TMEM223: variants seen among roughly 807,000 people sequenced by gnomAD.
TMEM223 encodes the protein transmembrane protein 223.
TMEM223 carries 14 observed loss-of-function variants against 14.1 expected under a neutral mutation model. The ratio of observed to expected loss-of-function variants is 0.99; its 90% CI spans 0.66 to 1.55. The LOEUF is 1.55. Ranked by LOEUF, TMEM223 falls within the 40% of genes most tolerant of loss-of-function variation. TMEM223 has a pLI of 0.00. For missense variants in TMEM223, 346 were observed against 269.9 expected, an observed-to-expected ratio of 1.28 and a Z score of -1.97; for synonymous variants, 145 against 120.5, an observed-to-expected ratio of 1.20 and a Z score of -1.33.
At chr11:62,778,431 G>GGGTAAACACA in intron 1 of TMEM223, 1 of 1,436,772 alleles carries the variant, frequency 7.0e-7, no homozygotes, top group Non-Finnish European at 9.7e-7. Context: ...CGTCTAACAT[G>GGGTAAACACA]TGTTTACCCA....
At chr11:62,775,240 A>AT (rs1156921871) in intron 1 of TMEM223, among the ~76,000 whole-genome samples, 4 of 152,186 alleles carry the variant, frequency 2.6e-5, no homozygotes, top group African/African-American at 9.6e-5. Flanking sequence ...AAAGCTCTTT[A>AT]TAAAACCATT....
At chr11:62,787,417 G>T, downstream of TMEM223, 1 of 1,557,220 alleles carries the variant, frequency 6.4e-7, no homozygotes, top group Non-Finnish European at 8.6e-7. Context: ...GGCGCTTCCT[G>T]GTGGTCAGGG....
chr11:62,788,090 T>C (rs905875295), downstream of TMEM223, among the ~76,000 whole-genome samples: 1 of 152,022 alleles, frequency 6.6e-6, no homozygotes, highest in African/African-American at 2.4e-5. Context: ...CTAGTGTGCC[T>C]ATTTTACACC....
intron 1 of TMEM223, chr11:62,775,996 C>T: frequency 6.5e-7 from 1 of 1,528,434 alleles, no homozygotes. Context: ...TAACCTCCAC[C>T]CTCGCTGATT....
At position 62,779,815 on chromosome 11, in the gene TMEM223, A is replaced by G. The variant is rs1590935015; in HGVS notation, c.315-5150T>C. Among the ~76,000 whole-genome samples the G allele has an allele frequency of 3.4e-5, 5 of 147,816 alleles. No individual in the cohort carries two copies. In the East Asian group the frequency reaches 1.0e-3, roughly 31 times the overall value. Reference sequence around the variant, plus strand: ...CAAGTAGCTGGGATTACAGGGGCATACCACCATGCCTGGCTAATTTTTGCA... The same window carrying G: ...CAAGTAGCTGGGATTACAGGGGCATGCCACCATGCCTGGCTAATTTTTGCA... On this transcript the variant is annotated intron_variant, in intron 1 of 2. Transcript: ENST00000528367.
At chr11:62,790,968 C>A (rs2084354692) in intron 1 of TMEM223, 53 bp from the exon 2 acceptor site, 4 of 1,463,348 alleles carry the variant, frequency 2.7e-6, no homozygotes, top group Non-Finnish European at 3.6e-6. Context: ...CATCTAAGTA[C>A]CGACCTTTCC....
In TMEM223 at chr11:62,790,887, G is replaced by A; in HGVS notation, c.345C>T (p.Leu115=). ...CTGAGCGCACAGACCGGAGAGAGAA[G>A]AGAAGACCAGCACCGAGTACGAGGG... ...IGALVLGAGL[L]FSLRSVRSVV... Residue 115 remains leucine (L), a synonymous_variant, in exon 2 of 2, where the codon CTC becomes CTT. Coordinates refer to ENST00000307366, the MANE Select transcript of TMEM223 (RefSeq NM_001080501.3). The A allele has an allele frequency of 6.3e-7, 1 of 1,597,980 alleles. No individual in the cohort carries two copies. Among genetic ancestry groups the A allele is most frequent in the Non-Finnish European group, 8.5e-7 (1 of 1,170,156 alleles).
downstream of TMEM223, chr11:62,787,101 G>A (rs539459986): frequency 1.0e-5 from 16 of 1,545,022 alleles, no homozygotes; most frequent in South Asian, 1.4e-4. Flanking sequence ...GCGGCGCCCC[G>A]CACTTTCGTT....
At chr11:62,777,756 G>GGAGGAGCGACCA (rs1429484752) in intron 1 of TMEM223, among the ~76,000 whole-genome samples, 5 of 152,168 alleles carry the variant, frequency 3.3e-5, no homozygotes, top group Non-Finnish European at 7.3e-5. Context: ...TCCAGTTATG[G>GGAGGAGCGACCA]GAGGAGCGAC....
chr11:62,790,204 A>T lies in TMEM223; in HGVS notation c.*419T>A. 1 of 819,822 alleles carries T rather than the reference A, an allele frequency of 1.2e-6. No homozygotes were observed. Among genetic ancestry groups the T allele is most frequent in the Non-Finnish European group, 1.8e-6 (1 of 547,782 alleles). 50.8% of individuals were successfully genotyped at this position (819,822 alleles called of 1,614,324 possible). On this transcript the variant is annotated 3_prime_UTR_variant, in exon 2 of 2. Coordinates refer to ENST00000307366, the MANE Select transcript of TMEM223 (RefSeq NM_001080501.3). ...CAGGCCCCCCTCCACCTCTTCCTGC[A>T]GCTGTTTTTGTACCAAAATATTATA... is the stretch of plus-strand genomic sequence containing the variant.
downstream of TMEM223, among the ~76,000 whole-genome samples, chr11:62,784,635 T>C (rs1325340587): frequency 1.3e-5 from 2 of 152,192 alleles, no homozygotes; most frequent in Non-Finnish European, 2.9e-5. Flanking sequence ...TCAATTTATA[T>C]TGGATTTTTA....
At chr11:62,779,396 C>A (rs1191855105) in intron 1 of TMEM223, among the ~76,000 whole-genome samples, 1 of 151,882 alleles carries the variant, frequency 6.6e-6, no homozygotes, top group Non-Finnish European at 1.5e-5. Context: ...GGGGTTTCAC[C>A]GTGTTAGCCA....
Position 62,776,370 on chromosome 11 carries a change from T to C in TMEM223, c.315-1705A>G, listed in dbSNP as rs368340031. 4.0e-5 allele frequency: 65 copies of C among 1,612,756 alleles called. No homozygotes were observed. In the African/African-American group the frequency reaches 7.6e-4, roughly 19 times the overall value. On this transcript the variant is annotated intron_variant, in intron 1 of 2. Transcript: ENST00000528367. ...CACATCCTTTGACTCTGGCTTTTGT[T>C]CCCTCCCTCCCAGAATAGCTCTCAG...
chr11:62,790,709 G>A lies in TMEM223; in HGVS notation c.523C>T (p.Arg175Cys), dbSNP rs756126165. The change falls in exon 2 of 2, where the codon CGC (arginine) becomes TGC (cysteine). Residue 175 changes from arginine (R) to cysteine (C), a missense_variant. Coordinates refer to ENST00000307366, the MANE Select transcript of TMEM223 (RefSeq NM_001080501.3). ...GTTTTGTCCAAGAGGAAATAGAAGC[G>A]TCGGCCTTTGACTTTCAGAGGTAGC... ...AMLPLKVKGR[R>C]FYFLLDKTGH... 3 of 1,611,704 alleles carry A rather than the reference G, an allele frequency of 1.9e-6. No individual in the cohort carries two copies. The highest frequency in any genetic ancestry group is 2.5e-6 in the Non-Finnish European group (3 of 1,178,860).
downstream of TMEM223, chr11:62,789,253 G>A: frequency 6.2e-7 from 1 of 1,614,030 alleles, no homozygotes; most frequent in Non-Finnish European, 8.5e-7. Flanking sequence ...GGTAGGATGA[G>A]CCTCACCTCC....
intron 1 of TMEM223, among the ~76,000 whole-genome samples, chr11:62,776,877 A>T (rs923166843): frequency 6.6e-6 from 1 of 150,640 alleles, no homozygotes; most frequent in Non-Finnish European, 1.5e-5. Context: ...GGCCGGGCAC[A>T]GGAGCTTACA....
downstream of TMEM223, among the ~76,000 whole-genome samples, chr11:62,783,979 A>G (rs1038471154): frequency 1.3e-4 from 2 of 15,104 alleles, no homozygotes; most frequent in African/African-American, 4.7e-4. Flanking sequence ...GAATCTTGCC[A>G]AGATGGCGCC....
downstream of TMEM223, chr11:62,787,458 C>T (rs566843244): frequency 2.9e-5 from 45 of 1,571,588 alleles, no homozygotes; most frequent in South Asian, 4.9e-4. Flanking sequence ...TGCAGCGCGT[C>T]GAGCTTGCGC....
chr11:62,780,719 C>A (rs187086523), intron 1 of TMEM223, among the ~76,000 whole-genome samples: 1 of 151,484 alleles, frequency 6.6e-6, no homozygotes, highest in Non-Finnish European at 1.5e-5. Context: ...CATGTGAGGC[C>A]GGGAGTTCGA....
Sources: allele counts gnomAD v4.1 joint callset (sites outside exome capture counted in the v4.1 genomes callset), GRCh38; gene constraint gnomAD v4.1.1; transcripts MANE v1.5; gene names NCBI Gene and HGNC (gene_info 2026-07-23, HGNC 2026-07-21).